ADAMTSL1: variants seen among roughly 807,000 people sequenced by gnomAD.
The protein encoded by ADAMTSL1 is ADAMTS-like protein 1.
ADAMTSL1 carries 126 observed loss-of-function variants against 201.8 expected under a neutral mutation model. The observed-to-expected ratio is 0.62, with a 90% CI of 0.54 to 0.72. The LOEUF (loss-of-function observed/expected upper bound fraction) is 0.72. Ranked by LOEUF, ADAMTSL1 falls within the 30% of genes least tolerant of loss-of-function variation. ADAMTSL1 has a pLI of 0.00. For missense variants in ADAMTSL1, 2,679 were observed against 2,277.8 expected (o/e 1.18, Z -3.59); for synonymous variants, 1,121 against 903.4 (o/e 1.24, Z -4.32).
intron 2 of ADAMTSL1, among the ~76,000 whole-genome samples, chr9:18,381,189 C>T (rs1460073113): frequency 6.6e-6 from 1 of 152,142 alleles, no homozygotes; most frequent in African/African-American, 2.4e-5. Context: ...TCCCTTTAGG[C>T]TAATCACTAC....
intron 2 of ADAMTSL1, among the ~76,000 whole-genome samples, chr9:18,311,673 A>G (rs1404974200): frequency 6.6e-6 from 1 of 152,240 alleles, no homozygotes. Flanking sequence ...CATGATTTCA[A>G]TAAGTGTTTC....
At chr9:18,326,916 A>G (rs957749871) in intron 2 of ADAMTSL1, among the ~76,000 whole-genome samples, 6 of 152,196 alleles carry the variant, frequency 3.9e-5, no homozygotes, top group African/African-American at 1.4e-4. Flanking sequence ...TGCTAAGTCA[A>G]CCTTGAACAA....
At chr9:18,344,895 T>C (rs570831219) in intron 2 of ADAMTSL1, among the ~76,000 whole-genome samples, 4 of 152,242 alleles carry the variant, frequency 2.6e-5, no homozygotes, top group Non-Finnish European at 5.9e-5. Flanking sequence ...CCTTGGAAGC[T>C]CTTTCCTCAT....
intron 15 of ADAMTSL1, among the ~76,000 whole-genome samples, chr9:18,747,216 G>A (rs1307282125): frequency 6.6e-6 from 1 of 152,178 alleles, no homozygotes; most frequent in African/African-American, 2.4e-5. Flanking sequence ...TTTACGAGCT[G>A]TGTGACTTTG....
intron 23 of ADAMTSL1, among the ~76,000 whole-genome samples, chr9:18,848,378 C>T (rs1826268017): frequency 6.6e-6 from 1 of 152,184 alleles, no homozygotes; most frequent in Non-Finnish European, 1.5e-5. Flanking sequence ...ATATGGCGTG[C>T]TTAATCATTT....
At chr9:18,886,474 C>G (rs766610752) in intron 23 of ADAMTSL1, among the ~76,000 whole-genome samples, 31 of 152,170 alleles carry the variant, frequency 2.0e-4, no homozygotes, top group Non-Finnish European at 4.3e-4. Flanking sequence ...CTGTCTTAGT[C>G]CAGTCAGGCT....
chr9:18,778,823 G>A (rs753627031), intron 19 of ADAMTSL1, among the ~76,000 whole-genome samples: 49 of 152,174 alleles, frequency 3.2e-4, no homozygotes, highest in Non-Finnish European at 5.7e-4. Flanking sequence ...GCAGAGCTAC[G>A]ATATGCAACA....
chr9:18,598,224 C>T (rs1587674256), intron 4 of ADAMTSL1, among the ~76,000 whole-genome samples: 1 of 152,226 alleles, frequency 6.6e-6, no homozygotes, highest in African/African-American at 2.4e-5. Context: ...GCTGAATCTC[C>T]TTATTTTGTT....
chr9:18,013,025 A>G (rs1428869801), intron 1 of ADAMTSL1, among the ~76,000 whole-genome samples: 2 of 151,418 alleles, frequency 1.3e-5, no homozygotes, highest in East Asian at 3.9e-4. Flanking sequence ...ATTACTTTTT[A>G]ATTTTTCCTT....
At chr9:18,315,157 G>A (rs1834329994) in intron 2 of ADAMTSL1, among the ~76,000 whole-genome samples, 1 of 152,094 alleles carries the variant, frequency 6.6e-6, no homozygotes, top group Non-Finnish European at 1.5e-5. Flanking sequence ...GGTGCTGATT[G>A]GTGCATTTGC....
intron 2 of ADAMTSL1, among the ~76,000 whole-genome samples, chr9:18,285,151 A>C (rs2059312842): frequency 6.6e-6 from 1 of 152,156 alleles, no homozygotes; most frequent in Non-Finnish European, 1.5e-5. Context: ...AAAAATAAAT[A>C]TATTCAAACT....
In ADAMTSL1 at chr9:17,918,594, GAAT is replaced by G. The variant is rs1349231316; in HGVS notation, c.87+11673_87+11675del. 1.1e-4 allele frequency among the ~76,000 whole-genome samples: 17 copies of G among 151,856 alleles called. No individual in the cohort carries two copies. The East Asian group carries it at 3.3e-3, about 29-fold the overall frequency. ...TAACTGTTCTGTGTACACTTGAAAAGAATTAAACTTTCTACAAATTTGTGCCTC... is the reference window on the plus strand; with the variant it reads ...TAACTGTTCTGTGTACACTTGAAAAGTAAACTTTCTACAAATTTGTGCCTC... On this transcript the variant is annotated intron_variant, in intron 1 of 29. Coordinates refer to the ADAMTSL1 transcript ENST00000680146.
At chr9:18,746,268 A>AAAGGGAGATGCATCCTG (rs1819138256) in intron 15 of ADAMTSL1, among the ~76,000 whole-genome samples, 2 of 152,320 alleles carry the variant, frequency 1.3e-5, no homozygotes, top group African/African-American at 4.8e-5. Flanking sequence ...CAAGAACCTG[A>AAAGGGAGATGCATCCTG]AAGGGAGATG....
intron 2 of ADAMTSL1, among the ~76,000 whole-genome samples, chr9:18,176,424 T>C (rs1409007529): frequency 6.6e-6 from 1 of 152,142 alleles, no homozygotes; most frequent in Non-Finnish European, 1.5e-5. Context: ...TTGGTAACAA[T>C]AATAATAATT....
At chr9:17,922,087 CTTT>C (rs33961485) in intron 1 of ADAMTSL1, among the ~76,000 whole-genome samples, 2 of 144,698 alleles carry the variant, frequency 1.4e-5, no homozygotes, top group Non-Finnish European at 1.5e-5. Flanking sequence ...GCAGTTCAGG[CTTT>C]TTTTTTTTTT....
intron 1 of ADAMTSL1, among the ~76,000 whole-genome samples, chr9:18,010,325 A>T (rs1275269004): frequency 6.6e-6 from 1 of 152,066 alleles, no homozygotes; most frequent in Non-Finnish European, 1.5e-5. Context: ...ATCCACACAG[A>T]CATAATCACT....
chr9:18,462,606 G>C (rs1324896463), intron 2 of ADAMTSL1, among the ~76,000 whole-genome samples: 1 of 152,168 alleles, frequency 6.6e-6, no homozygotes, highest in Non-Finnish European at 1.5e-5. Context: ...GAAATTTTAA[G>C]ATGATATATG....
At chr9:18,593,941 G>A (rs1021601207) in intron 4 of ADAMTSL1, among the ~76,000 whole-genome samples, 2 of 152,094 alleles carry the variant, frequency 1.3e-5, no homozygotes, top group Admixed American at 6.6e-5. Flanking sequence ...CTTTAGTACA[G>A]ATTAAGTCCA....
intron 2 of ADAMTSL1, among the ~76,000 whole-genome samples, chr9:18,167,790 T>C (rs1827701209): frequency 6.6e-6 from 1 of 152,002 alleles, no homozygotes. Flanking sequence ...TGAAGATAAT[T>C]TAATTTGCTT....
Sources: allele counts gnomAD v4.1 joint callset (sites outside exome capture counted in the v4.1 genomes callset), GRCh38; gene constraint gnomAD v4.1.1; transcripts MANE v1.5; gene names NCBI Gene and HGNC (gene_info 2026-07-23, HGNC 2026-07-21).